Variants in BICRAL observed in about 807,000 individuals in gnomAD.
The protein encoded by BICRAL is BICRA like chromatin remodeling complex associated protein.
In BICRAL, 8 loss-of-function variants were observed where a neutral mutation model predicts 91.8. The ratio of observed to expected loss-of-function variants is 0.09; its 90% CI spans 0.05 to 0.16. The LOEUF (loss-of-function observed/expected upper bound fraction) is 0.16, where lower values mean the gene tolerates loss of function less well. Ranked by LOEUF, BICRAL falls within the 10% of genes least tolerant of loss-of-function variation. The probability of loss-of-function intolerance (pLI) is 1.00; values close to 1 mark genes in which losing one functional copy is unlikely to be tolerated. For missense variants in BICRAL, 1,038 were observed against 1,310.9 expected, an observed-to-expected ratio of 0.79 and a Z score of 3.21; for synonymous variants, 445 against 491.1, an observed-to-expected ratio of 0.91 and a Z score of 1.24.
At chr6:42,864,634 A>G (rs761565866) in intron 12 of BICRAL, 25 bp from the exon 13 acceptor site, 1 of 1,596,670 alleles carries the variant, frequency 6.3e-7, no homozygotes, top group Non-Finnish European at 8.6e-7. Context: ...TCACTCACTA[A>G]TGTTCTTTTT....
chr6:42,756,860 TCTCTCGCTTGG>T (rs1338920249), intron 1 of BICRAL, among the ~76,000 whole-genome samples: 2 of 150,924 alleles, frequency 1.3e-5, no homozygotes, highest in Non-Finnish European at 3.0e-5. Flanking sequence ...GCTTGCGCTG[TCTCTCGCTTGG>T]CTCTCGCGCG....
intron 5 of BICRAL, among the ~76,000 whole-genome samples, chr6:42,825,283 G>T (rs888795326): frequency 1.6e-5 from 2 of 123,748 alleles, no homozygotes; most frequent in Non-Finnish European, 3.3e-5. Context: ...AAAAAAAATT[G>T]GCTGGGCGCG....
upstream of BICRAL, among the ~76,000 whole-genome samples, chr6:42,746,708 C>T (rs1762280543): frequency 6.6e-6 from 1 of 151,418 alleles, no homozygotes; most frequent in Non-Finnish European, 1.5e-5. Context: ...AGCCCTCATC[C>T]TTACCGCCCC....
intron 6 of BICRAL, among the ~76,000 whole-genome samples, chr6:42,844,633 G>A (rs932576564): frequency 6.6e-6 from 1 of 150,932 alleles, no homozygotes; most frequent in Non-Finnish European, 1.5e-5. Context: ...TAACAACTGG[G>A]AGGCTGCTGG....
At position 42,829,632 on chromosome 6, in the gene BICRAL, T is replaced by C; in HGVS notation, c.1299T>C (p.Ile433=). The C allele has an allele frequency of 1.9e-6, 3 of 1,614,212 alleles. No individual in the cohort carries two copies. Among genetic ancestry groups the C allele is most frequent in the Non-Finnish European group, 2.5e-6 (3 of 1,180,034 alleles). Residue 433 remains isoleucine (I), a synonymous_variant, in exon 6 of 13, where the codon ATT becomes ATC. Transcript: ENST00000314073. ...QLLQTQPSQL[I]SGQVASEHVM... ...TTCAAACTCAACCCTCTCAGCTCATTTCTGGCCAAGTGGCCTCAGAGCATG... is the reference window on the plus strand; with the variant it reads ...TTCAAACTCAACCCTCTCAGCTCATCTCTGGCCAAGTGGCCTCAGAGCATG...
chr6:42,774,678 G>A (rs921529676), intron 1 of BICRAL, among the ~76,000 whole-genome samples: 2 of 152,064 alleles, frequency 1.3e-5, no homozygotes, highest in Non-Finnish European at 1.5e-5. Flanking sequence ...TAGGGTCCCT[G>A]GGAAATGGAA....
chr6:42,840,657 C>G (rs908900645), intron 6 of BICRAL, among the ~76,000 whole-genome samples: 4 of 152,052 alleles, frequency 2.6e-5, no homozygotes, highest in African/African-American at 7.2e-5. Context: ...TGCCTCAGCA[C>G]CCCCTAGTAG....
At chr6:42,825,561 T>C (rs1236021781) in intron 5 of BICRAL, among the ~76,000 whole-genome samples, 3 of 149,152 alleles carry the variant, frequency 2.0e-5, no homozygotes, top group East Asian at 3.9e-4. Flanking sequence ...CAAGACTCGG[T>C]CTCAAAAAAA....
At position 42,867,395 on chromosome 6, in the gene BICRAL, TC is replaced by T. The variant is rs937459061; in HGVS notation, c.*1953del. The T allele has an allele frequency of 1.3e-5, 2 of 153,918 alleles. No homozygotes were observed. The highest frequency in any genetic ancestry group is 2.4e-5 in the African/African-American group (1 of 41,444). 9.5% of individuals were successfully genotyped at this position (153,918 alleles called of 1,614,324 possible). ...TGTGCCAATGTCCAAGTTGCAGATT[TC>T]CCCTTTTTCCTGTATTGTAACATAT... On this transcript the variant is annotated 3_prime_UTR_variant, in exon 13 of 13. Coordinates refer to ENST00000314073, the MANE Select transcript of BICRAL (RefSeq NM_001393499.1).
At chr6:42,863,141 C>T (rs1301801483) in intron 12 of BICRAL, among the ~76,000 whole-genome samples, 1 of 151,640 alleles carries the variant, frequency 6.6e-6, no homozygotes, top group African/African-American at 2.4e-5. Flanking sequence ...CTCTACCTCC[C>T]GAGTTCACGC....
intron 1 of BICRAL, among the ~76,000 whole-genome samples, chr6:42,752,364 A>T (rs1762393923): frequency 6.6e-6 from 1 of 152,218 alleles, no homozygotes; most frequent in South Asian, 2.1e-4. Context: ...AGGCCCTAAG[A>T]CTGCCAAGGT....
At chr6:42,804,982 G>A (rs1019790314) in intron 1 of BICRAL, among the ~76,000 whole-genome samples, 2 of 152,134 alleles carry the variant, frequency 1.3e-5, no homozygotes, top group Non-Finnish European at 2.9e-5. Context: ...GATTACAGGC[G>A]GGAGCCACTA....
chr6:42,761,899 G>A (rs569283730), intron 1 of BICRAL, among the ~76,000 whole-genome samples: 4 of 150,208 alleles, frequency 2.7e-5, no homozygotes, highest in African/African-American at 9.9e-5. Context: ...GGGTGACCTT[G>A]TCTCAAAAAA....
intron 10 of BICRAL, among the ~76,000 whole-genome samples, chr6:42,857,867 T>C (rs1040334727): frequency 2.2e-5 from 3 of 137,562 alleles, no homozygotes; most frequent in Admixed American, 1.6e-4. Flanking sequence ...TGGAGTGCAG[T>C]GGCACGATCA....
At chr6:42,852,250 T>A (rs1373786632) in intron 7 of BICRAL, 53 bp downstream of exon 7, 1 of 999,292 alleles carries the variant, frequency 1.0e-6, no homozygotes, top group Admixed American at 1.7e-5. Flanking sequence ...GGGATGCTCT[T>A]CTCACTTTTC....
At chr6:42,810,868 T>A (rs922084657) in intron 2 of BICRAL, among the ~76,000 whole-genome samples, 3 of 152,232 alleles carry the variant, frequency 2.0e-5, no homozygotes, top group Non-Finnish European at 4.4e-5. Context: ...TTTCCTAAGC[T>A]GTTTTTCAAG....
intron 1 of BICRAL, among the ~76,000 whole-genome samples, chr6:42,763,435 A>G (rs1201269944): frequency 6.6e-6 from 1 of 152,220 alleles, no homozygotes; most frequent in Non-Finnish European, 1.5e-5. Context: ...GAAGCAAAAA[A>G]TTATTCTTCT....
chr6:42,774,636 T>C (rs1762784726), intron 1 of BICRAL, among the ~76,000 whole-genome samples: 1 of 151,956 alleles, frequency 6.6e-6, no homozygotes, highest in African/African-American at 2.4e-5. Context: ...AGTATAAGAG[T>C]ACCTTTGCAC....
chr6:42,815,097 G>A (rs1763953845), intron 2 of BICRAL, among the ~76,000 whole-genome samples: 2 of 149,180 alleles, frequency 1.3e-5, no homozygotes, highest in African/African-American at 4.9e-5. Context: ...ATTTTTAGCA[G>A]AGACAGAGTT....
Sources: gnomAD v4.1 joint callset for allele counts (sites outside exome capture counted in the v4.1 genomes callset) on GRCh38, gnomAD v4.1.1 for gene constraint, MANE v1.5 for transcripts, NCBI Gene and HGNC (gene_info 2026-07-23, HGNC 2026-07-21) for gene names.